PIK3C2G: variants seen among roughly 807,000 people sequenced by gnomAD.
PIK3C2G encodes phosphatidylinositol-4-phosphate 3-kinase catalytic subunit type 2 gamma, also known as phosphatidylinositol 3-kinase C2 domain-containing subunit gamma.
Under a neutral mutation model 181.1 loss-of-function variants are expected in PIK3C2G, and 168 were observed. The ratio of observed to expected loss-of-function variants is 0.93; its 90% confidence interval spans 0.82 to 1.05. The LOEUF is 1.05. Ranked by LOEUF, PIK3C2G falls within the 50% of genes least tolerant of loss-of-function variation. The pLI is 0.00. For synonymous variants in PIK3C2G, 573 were observed against 592.2 expected (o/e 0.97, Z 0.47); for missense variants, 1,869 against 1,732.8 (o/e 1.08, Z -1.40).
chr12:18,562,128 C>A (rs1017551481), intron 26 of PIK3C2G, among the ~76,000 whole-genome samples: 2 of 152,014 alleles, frequency 1.3e-5, no homozygotes, highest in African/African-American at 2.4e-5. Flanking sequence ...ACAACAAAAT[C>A]TTTTTTTGTT....
chr12:18,547,276 T>G (rs1424704437), intron 26 of PIK3C2G, among the ~76,000 whole-genome samples: 2 of 151,974 alleles, frequency 1.3e-5, no homozygotes, highest in Admixed American at 1.3e-4. Context: ...TTCCAGAATA[T>G]ACAGCAAGAA....
At position 18,362,896 on chromosome 12, in the gene PIK3C2G, A is replaced by G. The variant is rs1565638024; in HGVS notation, c.1748+10A>G. 6.7e-7 allele frequency: 1 copy of G among 1,488,124 alleles called. No homozygotes were observed. The highest frequency in any genetic ancestry group is 1.3e-5 in the South Asian group (1 of 76,970). 92.2% of individuals were successfully genotyped at this position (1,488,124 alleles called of 1,614,324 possible). A position where few individuals can be genotyped will look rare whatever the true frequency, so the allele number is the denominator to read the frequency against. The stretch of plus-strand genomic sequence containing the variant: ...TCAACTGGAATGAAACGTAAGTTTA[A>G]TCTTTACTGTATCTGGATCATTTAT... On this transcript the variant is annotated intron_variant, in intron 12 of 32. Transcript: ENST00000538779.
At chr12:18,527,075 C>T (rs1489924140) in intron 24 of PIK3C2G, among the ~76,000 whole-genome samples, 5 of 151,984 alleles carry the variant, frequency 3.3e-5, no homozygotes, top group Non-Finnish European at 5.9e-5. Flanking sequence ...AAGGAAGGAT[C>T]CACTTACATG....
chr12:18,562,635 A>T, intron 26 of PIK3C2G, 68 bp from the exon 27 acceptor site: 1 of 942,086 alleles, frequency 1.1e-6, no homozygotes, highest in Non-Finnish European at 1.6e-6. Flanking sequence ...ACAAGGAAAC[A>T]GATCATAAAT....
chr12:18,308,120 T>C (rs1950494762), intron 5 of PIK3C2G, among the ~76,000 whole-genome samples: 1 of 151,902 alleles, frequency 6.6e-6, no homozygotes, highest in South Asian at 2.1e-4. Flanking sequence ...CATAGCTCTA[T>C]ATCATTAAAC....
At chr12:18,558,978 C>T (rs1471850697) in intron 26 of PIK3C2G, among the ~76,000 whole-genome samples, 1 of 152,054 alleles carries the variant, frequency 6.6e-6, no homozygotes, top group East Asian at 1.9e-4. Context: ...ACCTGGCATA[C>T]AATAGGAATA....
chr12:18,305,360 C>T (rs1950376576), intron 5 of PIK3C2G, among the ~76,000 whole-genome samples: 2 of 152,054 alleles, frequency 1.3e-5, no homozygotes, highest in South Asian at 4.1e-4. Context: ...CTGAATTGCA[C>T]AAGCATCATT....
intron 19 of PIK3C2G, among the ~76,000 whole-genome samples, chr12:18,489,314 C>G (rs777777128): frequency 6.6e-6 from 1 of 152,008 alleles, no homozygotes; most frequent in Non-Finnish European, 1.5e-5. Flanking sequence ...TAATTAACTA[C>G]CTACTATAGA....
downstream of PIK3C2G, among the ~76,000 whole-genome samples, chr12:18,648,656 A>C (rs2136869883): frequency 6.6e-6 from 1 of 152,140 alleles, no homozygotes; most frequent in East Asian, 1.9e-4. Context: ...TGCCACCCAG[A>C]GGCACGATTT....
At chr12:18,446,186 G>A (rs1477544714) in intron 18 of PIK3C2G, among the ~76,000 whole-genome samples, 1 of 152,050 alleles carries the variant, frequency 6.6e-6, no homozygotes, top group African/African-American at 2.4e-5. Context: ...TTAATCATAT[G>A]GAAGGGAATG....
chr12:18,510,700 G>T (rs1033902522), intron 24 of PIK3C2G, among the ~76,000 whole-genome samples: 3 of 151,888 alleles, frequency 2.0e-5, no homozygotes, highest in Non-Finnish European at 4.4e-5. Flanking sequence ...TTTTTGTTTT[G>T]TTTTTATTTT....
intron 3 of PIK3C2G, among the ~76,000 whole-genome samples, chr12:18,289,327 G>A (rs751123834): frequency 6.6e-5 from 10 of 152,134 alleles, no homozygotes; most frequent in Non-Finnish European, 1.3e-4. Context: ...TATGAAAGAA[G>A]TTTCTGGCCC....
At chr12:18,619,548 T>G (rs1466064565) in intron 31 of PIK3C2G, among the ~76,000 whole-genome samples, 1 of 152,122 alleles carries the variant, frequency 6.6e-6, no homozygotes, top group Non-Finnish European at 1.5e-5. Context: ...TCCCCAAAAT[T>G]TTGGTATGGT....
intron 18 of PIK3C2G, among the ~76,000 whole-genome samples, chr12:18,427,093 GTTT>G (rs1347497961): frequency 6.6e-6 from 1 of 151,950 alleles, no homozygotes; most frequent in East Asian, 1.9e-4. Flanking sequence ...AAACTTTACT[GTTT>G]TTTGCATGCA....
the PIK3C2G span, among the ~76,000 whole-genome samples, chr12:18,722,345 T>C: frequency 2.6e-5 from 4 of 152,106 alleles, no homozygotes. Flanking sequence ...CTTCACTATA[T>C]CTTCAGCCCC....
rs1203486300 is a variant in PIK3C2G, at chr12:18,423,966, C to G, written c.2431C>G (p.Leu811Val). The change falls in exon 18 of 33, where the codon CTT (leucine) becomes GTT (valine). Residue 811 changes from leucine to valine, a missense_variant. By Grantham distance (32) the Leu-to-Val change is conservative. Coordinates refer to ENST00000538779, the MANE Select transcript of PIK3C2G (RefSeq NM_001288772.2). ...LVQAVKFEWN[L>V]ESPLVQLLLH... ...TCAGGCTGTCAAGTTTGAATGGAAC[C>G]TTGAGAGTCCTTTAGTGCAACTTCT... is the stretch of plus-strand genomic sequence containing the variant. 6.2e-7 allele frequency: 1 copy of G among 1,610,462 alleles called. No individual in the cohort carries two copies. Among genetic ancestry groups the G allele is most frequent in the South Asian group, 1.1e-5 (1 of 90,390 alleles).
At chr12:18,597,870 C>T (rs564804661) in intron 30 of PIK3C2G, among the ~76,000 whole-genome samples, 23 of 152,022 alleles carry the variant, frequency 1.5e-4, no homozygotes, top group Non-Finnish European at 2.8e-4. Context: ...AAACAGAGAG[C>T]CAAATCATGA....
At chr12:18,618,903 C>A (rs1003986251) in intron 31 of PIK3C2G, among the ~76,000 whole-genome samples, 7 of 151,876 alleles carry the variant, frequency 4.6e-5, no homozygotes, top group Admixed American at 3.3e-4. Flanking sequence ...AGCTACAGAA[C>A]GTAGAGGAAA....
chr12:18,607,510 A>C (rs950575759), intron 30 of PIK3C2G, among the ~76,000 whole-genome samples: 1 of 152,206 alleles, frequency 6.6e-6, no homozygotes, highest in Middle Eastern at 3.2e-3. Context: ...TAGAAAGCTG[A>C]AACTGGATCC....
Sources: allele counts gnomAD v4.1 joint callset (sites outside exome capture counted in the v4.1 genomes callset), GRCh38; gene constraint gnomAD v4.1.1; transcripts MANE v1.5; gene names NCBI Gene and HGNC (gene_info 2026-07-23, HGNC 2026-07-21).